Variants in PAM observed in about 807,000 individuals in gnomAD.
PAM encodes peptidyl-glycine alpha-amidating monooxygenase.
Under a neutral mutation model 122.1 loss-of-function variants are expected in PAM, and 72 were observed. That is an observed-to-expected ratio of 0.59 (90% CI 0.49 to 0.72). The LOEUF is 0.72. Among genes scored for constraint, PAM ranks in the 30% least tolerant of loss-of-function variants. The probability of loss-of-function intolerance (pLI) is 0.00; values close to 1 mark genes in which losing one functional copy is unlikely to be tolerated. For missense variants in PAM, 1,106 were observed against 1,183.7 expected (o/e 0.93, Z 0.96); for synonymous variants, 389 against 404.4 (o/e 0.96, Z 0.46).
intron 23 of PAM, among the ~76,000 whole-genome samples, chr5:103,022,398 C>T (rs976961701): frequency 3.9e-5 from 6 of 152,004 alleles, no homozygotes; most frequent in African/African-American, 1.4e-4. Context: ...CAAGTTATTC[C>T]AATTCCAAGT....
intron 3 of PAM, among the ~76,000 whole-genome samples, chr5:102,887,251 T>A (rs1313135482): frequency 2.0e-5 from 3 of 151,934 alleles, no homozygotes; most frequent in Non-Finnish European, 4.4e-5. Flanking sequence ...AATGGATTAG[T>A]TTTCAGGAGA....
chr5:102,861,534 C>T (rs1252813535), intron 1 of PAM, among the ~76,000 whole-genome samples: 2 of 149,750 alleles, frequency 1.3e-5, no homozygotes, highest in African/African-American at 5.1e-5. Context: ...GTGAAGCAGA[C>T]TGGAGATATG....
intron 16 of PAM, among the ~76,000 whole-genome samples, chr5:103,002,591 T>C (rs1777731767): frequency 6.6e-6 from 1 of 152,178 alleles, no homozygotes; most frequent in African/African-American, 2.4e-5. Flanking sequence ...CCAGCTATTA[T>C]TATAATTAAT....
At chr5:102,776,759 T>C (rs1035303107) in intron 1 of PAM, among the ~76,000 whole-genome samples, 1 of 152,130 alleles carries the variant, frequency 6.6e-6, no homozygotes, top group Non-Finnish European at 1.5e-5. Context: ...GAACCCTTTT[T>C]ATAGTACTAC....
chr5:103,015,593 G>T (rs1271523173), intron 21 of PAM, among the ~76,000 whole-genome samples: 1 of 152,116 alleles, frequency 6.6e-6, no homozygotes, highest in Non-Finnish European at 1.5e-5. Flanking sequence ...TCATTGAAAA[G>T]ATTACAACTG....
intron 1 of PAM, among the ~76,000 whole-genome samples, chr5:102,772,998 G>A (rs1756224609): frequency 6.6e-6 from 1 of 152,026 alleles, no homozygotes; most frequent in African/African-American, 2.4e-5. Context: ...AGAGCAATAG[G>A]ACTTCAGGAA....
At chr5:102,807,488 G>A (rs776900003) in intron 1 of PAM, among the ~76,000 whole-genome samples, 1 of 152,176 alleles carries the variant, frequency 6.6e-6, no homozygotes, top group African/African-American at 2.4e-5. Context: ...GAAAACTGTG[G>A]CAGTAGTCAA....
intron 15 of PAM, among the ~76,000 whole-genome samples, chr5:102,982,818 A>G (rs1770366013): frequency 6.6e-6 from 1 of 152,200 alleles, no homozygotes; most frequent in Non-Finnish European, 1.5e-5. Flanking sequence ...AAACATGAAA[A>G]GGAAACATAC....
intron 5 of PAM, among the ~76,000 whole-genome samples, chr5:102,924,617 G>C (rs1392471971): frequency 6.6e-6 from 1 of 151,726 alleles, no homozygotes; most frequent in African/African-American, 2.4e-5. Flanking sequence ...ATTAGCTTTG[G>C]TTTATACAGA....
At chr5:102,770,114 CT>C (rs1238063823) in intron 1 of PAM, among the ~76,000 whole-genome samples, 1 of 151,788 alleles carries the variant, frequency 6.6e-6, no homozygotes, top group Non-Finnish European at 1.5e-5. Context: ...TTATTTGTGG[CT>C]TTTTTAATAG....
chr5:102,915,246 C>T (rs1301731286), intron 5 of PAM, among the ~76,000 whole-genome samples: 1 of 152,098 alleles, frequency 6.6e-6, no homozygotes, highest in African/African-American at 2.4e-5. Context: ...TCTGTGCATC[C>T]TAACATTCAT....
Position 103,015,348 on chromosome 5 carries a change from A to G in PAM, c.2332-1986A>G, listed in dbSNP as rs567899761. Among the ~76,000 whole-genome samples, 9 of 152,326 alleles carry G rather than the reference A, an allele frequency of 5.9e-5. No individual in the cohort carries two copies. In the South Asian group the frequency reaches 1.9e-3, roughly 32 times the overall value. On this transcript the variant is annotated intron_variant, in intron 21 of 25. Transcript: ENST00000438793. ...GAATTTCCTTACGAGTTTTTAAAAT[A>G]AAATACAAGATTTTGAAGGCAGTTT...
At chr5:102,859,029 A>G (rs1309857183) in intron 1 of PAM, among the ~76,000 whole-genome samples, 1 of 152,224 alleles carries the variant, frequency 6.6e-6, no homozygotes, top group Non-Finnish European at 1.5e-5. Context: ...CAGTCACATA[A>G]AAGTCTGGCA....
downstream of PAM, chr5:103,030,538 A>G (rs538710582): frequency 1.3e-5 from 2 of 152,358 alleles, no homozygotes; most frequent in African/African-American, 4.8e-5. Flanking sequence ...CTGCTAGGGC[A>G]TTACAATCCT....
At chr5:102,790,030 T>A (rs1761644157) in intron 1 of PAM, among the ~76,000 whole-genome samples, 1 of 152,122 alleles carries the variant, frequency 6.6e-6, no homozygotes. Context: ...AAAAATATTT[T>A]ATTTCAGTAC....
intron 1 of PAM, among the ~76,000 whole-genome samples, chr5:102,756,138 G>A (rs1174991377): frequency 6.6e-6 from 1 of 152,174 alleles, no homozygotes; most frequent in Non-Finnish European, 1.5e-5. Context: ...GCTCCCTTGG[G>A]ATGACTTAGG....
At chr5:102,935,072 A>G (rs758647897) in intron 7 of PAM, among the ~76,000 whole-genome samples, 1 of 152,160 alleles carries the variant, frequency 6.6e-6, no homozygotes, top group Non-Finnish European at 1.5e-5. Context: ...TTAAAAAGAA[A>G]AGTTGAAAAT....
Position 102,866,034 on chromosome 5 carries a change from G to C in PAM, c.-162G>C. 1 of 461,750 alleles carries C rather than the reference G, an allele frequency of 2.2e-6. No individual in the cohort carries two copies. 28.6% of individuals were successfully genotyped at this position (461,750 alleles called of 1,614,324 possible). A position where few individuals can be genotyped will look rare whatever the true frequency, so the allele number is the denominator to read the frequency against. On this transcript the variant is annotated 5_prime_UTR_variant, in exon 2 of 26. Transcript: ENST00000438793. ...TGACCGAGACGCCTCGCCGCGGCCA[G>C]CTCGCTGCTCTCGCTGGCGGATGGT...
chr5:102,861,038 C>T (rs1784032223), intron 1 of PAM, among the ~76,000 whole-genome samples: 1 of 152,132 alleles, frequency 6.6e-6, no homozygotes, highest in Non-Finnish European at 1.5e-5. Flanking sequence ...AGCCAGCTGC[C>T]ATGTTGTGAA....
Sources: gnomAD v4.1 joint callset for allele counts (sites outside exome capture counted in the v4.1 genomes callset) on GRCh38, gnomAD v4.1.1 for gene constraint, MANE v1.5 for transcripts, NCBI Gene and HGNC (gene_info 2026-07-23, HGNC 2026-07-21) for gene names.